The following FAM168A variants were observed in gnomAD, a reference collection of about 807,000 sequenced individuals.
The protein encoded by FAM168A is protein FAM168A.
Under a neutral mutation model 28.5 loss-of-function variants are expected in FAM168A, and 3 were observed. The ratio of observed to expected loss-of-function variants is 0.11; its 90% CI spans 0.05 to 0.27. The LOEUF is 0.27. Among genes scored for constraint, FAM168A ranks in the 10% least tolerant of loss-of-function variants. The pLI is 1.00. For synonymous variants in FAM168A, 122 were observed against 124.2 expected, an observed-to-expected ratio of 0.98 and a Z score of 0.12; for missense variants, 222 against 311.5, an observed-to-expected ratio of 0.71 and a Z score of 2.16.
chr11:73,573,188 G>A (rs562629648), intron 1 of FAM168A, among the ~76,000 whole-genome samples: 12 of 152,188 alleles, frequency 7.9e-5, no homozygotes, highest in African/African-American at 2.9e-4. Flanking sequence ...ACACTTAACT[G>A]TTAGAAGGTA....
chr11:73,457,787 T>A (rs561566153), intron 2 of FAM168A, among the ~76,000 whole-genome samples: 31 of 106,280 alleles, frequency 2.9e-4, no homozygotes, highest in African/African-American at 9.8e-4. Flanking sequence ...AAGGCTAAAA[T>A]GGTAAATTTT....
At chr11:73,510,345 G>A (rs897392674) in intron 1 of FAM168A, among the ~76,000 whole-genome samples, 3 of 152,170 alleles carry the variant, frequency 2.0e-5, no homozygotes, top group African/African-American at 4.8e-5. Context: ...TAAAGAGCAC[G>A]TGACCTTATG....
intron 1 of FAM168A, among the ~76,000 whole-genome samples, chr11:73,482,657 T>A (rs1867983480): frequency 6.6e-6 from 1 of 151,976 alleles, no homozygotes; most frequent in Non-Finnish European, 1.5e-5. Context: ...TGCAAAATAA[T>A]CACCTTCCCT....
intron 1 of FAM168A, among the ~76,000 whole-genome samples, chr11:73,517,188 G>A (rs923810731): frequency 5.9e-5 from 9 of 152,016 alleles, no homozygotes; most frequent in African/African-American, 1.2e-4. Flanking sequence ...TAGCTAGGAC[G>A]ACATGTGTGC....
At chr11:73,523,704 C>A (rs900454301) in intron 1 of FAM168A, among the ~76,000 whole-genome samples, 2 of 152,152 alleles carry the variant, frequency 1.3e-5, no homozygotes, top group Middle Eastern at 3.2e-3. Context: ...CCACCTCAGC[C>A]TCCCAAAGTG....
chr11:73,458,508 C>T (rs1867581148), intron 2 of FAM168A, among the ~76,000 whole-genome samples: 1 of 152,218 alleles, frequency 6.6e-6, no homozygotes, highest in Non-Finnish European at 1.5e-5. Context: ...ATATGGACTA[C>T]AAAACCCAGA....
chr11:73,504,547 T>C (rs927198803), intron 1 of FAM168A, among the ~76,000 whole-genome samples: 1 of 152,176 alleles, frequency 6.6e-6, no homozygotes, highest in Non-Finnish European at 1.5e-5. Flanking sequence ...GCTTTTACAC[T>C]GTTGGTGGGA....
chr11:73,484,701 G>A (rs77623743), intron 1 of FAM168A, among the ~76,000 whole-genome samples: 1 of 142,210 alleles, frequency 7.0e-6, no homozygotes, highest in East Asian at 2.0e-4. Flanking sequence ...TATAGATATA[G>A]ATATATATAG....
chr11:73,576,793 G>A (rs913249683), intron 1 of FAM168A, among the ~76,000 whole-genome samples: 1 of 152,064 alleles, frequency 6.6e-6, no homozygotes, highest in African/African-American at 2.4e-5. Flanking sequence ...TTATTCACTA[G>A]GGAACTTTTA....
chr11:73,532,257 T>C (rs530114683), intron 1 of FAM168A, among the ~76,000 whole-genome samples: 5 of 152,286 alleles, frequency 3.3e-5, no homozygotes, highest in African/African-American at 1.2e-4. Context: ...TGTGTGTCTC[T>C]TTCCAAACAA....
chr11:73,485,256 A>G (rs1355671791), intron 1 of FAM168A, among the ~76,000 whole-genome samples: 1 of 152,210 alleles, frequency 6.6e-6, no homozygotes, highest in Non-Finnish European at 1.5e-5. Flanking sequence ...TTACTAATTC[A>G]TTCAGCAAAT....
chr11:73,590,615 T>C (rs1423975879), intron 1 of FAM168A, among the ~76,000 whole-genome samples: 1 of 152,222 alleles, frequency 6.6e-6, no homozygotes, highest in East Asian at 1.9e-4. Flanking sequence ...CCTTTCTTGA[T>C]CCGAATGCTG....
At chr11:73,529,394 A>C (rs980735497) in intron 1 of FAM168A, among the ~76,000 whole-genome samples, 1 of 152,212 alleles carries the variant, frequency 6.6e-6, no homozygotes, top group Non-Finnish European at 1.5e-5. Flanking sequence ...TGGATTTTAA[A>C]AATGGGCTCC....
chr11:73,475,003 G>C (rs568713795), intron 1 of FAM168A, among the ~76,000 whole-genome samples: 2 of 152,282 alleles, frequency 1.3e-5, no homozygotes, highest in African/African-American at 2.4e-5. Context: ...AGAGAGAAAA[G>C]AGAGGTGCTA....
intron 2 of FAM168A, among the ~76,000 whole-genome samples, chr11:73,438,365 T>C (rs925462199): frequency 2.0e-5 from 3 of 152,100 alleles, no homozygotes; most frequent in Non-Finnish European, 4.4e-5. Flanking sequence ...GAAATAAACA[T>C]TTTAGTTGGC....
At chr11:73,518,856 C>G (rs1943337871) in intron 1 of FAM168A, among the ~76,000 whole-genome samples, 1 of 152,060 alleles carries the variant, frequency 6.6e-6, no homozygotes, top group African/African-American at 2.4e-5. Context: ...AAGATTGCGC[C>G]ACTGCACTCC....
chr11:73,508,090 G>C (rs1420212068), intron 1 of FAM168A, among the ~76,000 whole-genome samples: 1 of 152,114 alleles, frequency 6.6e-6, no homozygotes, highest in Non-Finnish European at 1.5e-5. Context: ...TCTCTTAAGT[G>C]GTGATAATAA....
chr11:73,461,406 C>G (rs761576325), intron 2 of FAM168A, among the ~76,000 whole-genome samples: 1 of 152,182 alleles, frequency 6.6e-6, no homozygotes, highest in Non-Finnish European at 1.5e-5. Flanking sequence ...GTATGAGCCA[C>G]GGCACATGGC....
At chr11:73,407,184 C>A (rs1866521141) in intron 7 of FAM168A, among the ~76,000 whole-genome samples, 1 of 152,190 alleles carries the variant, frequency 6.6e-6, no homozygotes, top group Non-Finnish European at 1.5e-5. Flanking sequence ...TTAATTTTTA[C>A]TGGCTAAGTG....
Sources: allele counts gnomAD v4.1 joint callset (sites outside exome capture counted in the v4.1 genomes callset), GRCh38; gene constraint gnomAD v4.1.1; transcripts MANE v1.5; gene names NCBI Gene and HGNC (gene_info 2026-07-23, HGNC 2026-07-21).